The following WNK1 variants were observed in gnomAD, a reference collection of about 807,000 sequenced individuals.
WNK1 encodes serine/threonine-protein kinase WNK1.
In WNK1, 38 loss-of-function variants were observed where a neutral mutation model predicts 222.8. The observed-to-expected ratio is 0.17, with a 90% confidence interval of 0.13 to 0.22. The LOEUF (loss-of-function observed/expected upper bound fraction) is 0.22, where lower values mean the gene tolerates loss of function less well. WNK1 is among the 10% of genes least tolerant of loss of function. The pLI, the probability that WNK1 is intolerant of heterozygous loss-of-function variation, is 1.00. For missense variants in WNK1, 2,348 were observed against 2,918.4 expected (o/e 0.80, Z 4.50); for synonymous variants, 1,090 against 1,092.9 (o/e 1.00, Z 0.05).
At chr12:792,433 C>A (rs1304797004) in intron 1 of WNK1, among the ~76,000 whole-genome samples, 2 of 151,396 alleles carry the variant, frequency 1.3e-5, no homozygotes, top group Non-Finnish European at 2.9e-5. Context: ...CCTGCCTCAG[C>A]CTCCTGAGTA....
rs1450094740 is a variant in WNK1, at chr12:897,665, A to G, written c.6432A>G (p.Lys2144=). The part of the protein sequence containing the change: ...KSSRSSSLGN[K]SPQLSGNLSG... ...GTCGAAGCAGTTCCTTGGGGAATAA[A>G]AGCCCCCAGCTTTCAGGTAAAAAGC... Residue 2144 remains lysine (K), a synonymous_variant, in exon 25 of 28, where the codon AAA becomes AAG. Transcript: ENST00000315939. 6.2e-7 allele frequency: 1 copy of G among 1,614,204 alleles called. No individual in the cohort carries two copies. The highest frequency in any genetic ancestry group is 8.5e-7 in the Non-Finnish European group (1 of 1,180,040).
chr12:762,098 T>C (rs2153926861), intron 1 of WNK1, among the ~76,000 whole-genome samples: 1 of 144,858 alleles, frequency 6.9e-6, no homozygotes, highest in East Asian at 2.0e-4. Context: ...CTTGCTCTGT[T>C]GCCCAGGCTG....
At chr12:870,541 T>C (rs776588737) in intron 8 of WNK1, among the ~76,000 whole-genome samples, 1 of 152,200 alleles carries the variant, frequency 6.6e-6, no homozygotes, top group Non-Finnish European at 1.5e-5. Context: ...TCTCACTTTC[T>C]AGTGAGAAAC....
chr12:837,580 A>G (rs1949289461), intron 4 of WNK1, among the ~76,000 whole-genome samples: 5 of 133,716 alleles, frequency 3.7e-5, no homozygotes, highest in African/African-American at 1.3e-4. Flanking sequence ...TCTAAAAAAA[A>G]AAAAAAAAAA....
At chr12:858,108 G>A (rs1950925073) in intron 5 of WNK1, among the ~76,000 whole-genome samples, 1 of 151,282 alleles carries the variant, frequency 6.6e-6, no homozygotes, top group Non-Finnish European at 1.5e-5. Context: ...TAAAAATTTA[G>A]TTTGAGTTTT....
rs761523317 is a variant in WNK1, at chr12:884,602, A to G, written c.3845-47A>G. On this transcript the variant is annotated intron_variant, in intron 18 of 27. Transcript: ENST00000315939. This position sits in a 1 kb window ranked among gnomAD's most constrained non-coding sequence, Gnocchi z 5.6. ...GGCTAGCAGACAATCTTTTGAATCC[A>G]TCCTTTTAAAATCAGCTGATTCTTA... 2 of 1,576,498 alleles carry G rather than the reference A, an allele frequency of 1.3e-6. No individual in the cohort carries two copies. Among genetic ancestry groups the G allele is most frequent in the South Asian group, 2.2e-5 (2 of 90,204 alleles).
intron 1 of WNK1, among the ~76,000 whole-genome samples, chr12:764,580 G>A (rs1941433042): frequency 7.8e-6 from 1 of 127,518 alleles, no homozygotes; most frequent in Non-Finnish European, 1.7e-5. Context: ...AGGTTGTGGT[G>A]AGCCGAGATC....
At chr12:755,854 AAT>A (rs1188082298) in intron 1 of WNK1, among the ~76,000 whole-genome samples, 1 of 152,198 alleles carries the variant, frequency 6.6e-6, no homozygotes, top group African/African-American at 2.4e-5. Context: ...GCGCGCCTGT[AAT>A]TCCAACTACT....
At chr12:821,620 G>T (rs142177905) in intron 2 of WNK1, among the ~76,000 whole-genome samples, 4 of 152,084 alleles carry the variant, frequency 2.6e-5, no homozygotes, top group Admixed American at 2.6e-4. Context: ...TGTTTTATCC[G>T]TTATTGAAAG....
chr12:837,572 T>TAAAAA (rs530005542), intron 4 of WNK1, among the ~76,000 whole-genome samples: 3 of 123,580 alleles, frequency 2.4e-5, no homozygotes, highest in Admixed American at 8.2e-5. Flanking sequence ...AGACCCTGTC[T>TAAAAA]AAAAAAAAAA....
At chr12:871,745 G>A (rs1952171359) in intron 9 of WNK1, among the ~76,000 whole-genome samples, 1 of 152,098 alleles carries the variant, frequency 6.6e-6, no homozygotes, top group Non-Finnish European at 1.5e-5. Context: ...TGGGACTACA[G>A]GTGCCTGCCA....
At chr12:783,072 G>A (rs2153970128) in intron 1 of WNK1, among the ~76,000 whole-genome samples, 1 of 151,222 alleles carries the variant, frequency 6.6e-6, no homozygotes. Context: ...CCCTGCTAAT[G>A]TTTAAATTTT....
At chr12:882,834 C>T (rs1346163095) in intron 14 of WNK1, 109 bp from the exon 15 acceptor site, 10 of 759,860 alleles carry the variant, frequency 1.3e-5, no homozygotes, top group South Asian at 1.4e-5. Context: ...AGCGATAACA[C>T]TATGCTTCCT....
At chr12:821,420 G>T (rs1477535065) in intron 2 of WNK1, among the ~76,000 whole-genome samples, 1 of 152,136 alleles carries the variant, frequency 6.6e-6, no homozygotes, top group East Asian at 1.9e-4. Context: ...TAAATGTTTG[G>T]TAGAACTCAT....
chr12:784,759 C>T (rs1944101673), intron 1 of WNK1, among the ~76,000 whole-genome samples: 2 of 152,176 alleles, frequency 1.3e-5, no homozygotes, highest in African/African-American at 2.4e-5. Flanking sequence ...GTACTGGTTG[C>T]ATTCTAGGTT....
intron 1 of WNK1, among the ~76,000 whole-genome samples, chr12:780,760 A>G (rs1358779288): frequency 2.0e-5 from 3 of 152,238 alleles, no homozygotes; most frequent in Non-Finnish European, 4.4e-5. Context: ...ACTATAGAAG[A>G]ATGACCTTGG....
At chr12:763,443 G>A (rs147668619) in intron 1 of WNK1, among the ~76,000 whole-genome samples, 1,653 of 146,648 alleles carry the variant, frequency 0.011, 76 homozygotes, top group African/African-American at 0.038. Context: ...AAAAAAACTA[G>A]CCGGGTGTGG....
chr12:851,903 G>A, intron 4 of WNK1: 1 of 868,080 alleles, frequency 1.2e-6, no homozygotes, highest in Non-Finnish European at 1.5e-6. Flanking sequence ...TTGTTAACTT[G>A]AGAATGCTTT....
intron 3 of WNK1, among the ~76,000 whole-genome samples, chr12:828,033 C>T (rs1948495356): frequency 6.6e-6 from 1 of 151,830 alleles, no homozygotes; most frequent in African/African-American, 2.4e-5. Flanking sequence ...CACAATGGCT[C>T]ATGCCTGTAA....
Sources: allele counts gnomAD v4.1 joint callset (sites outside exome capture counted in the v4.1 genomes callset), GRCh38; gene constraint gnomAD v4.1.1; non-coding constraint Gnocchi (gnomAD v3.1); transcripts MANE v1.5; gene names NCBI Gene and HGNC (gene_info 2026-07-23, HGNC 2026-07-21).